Variants in RSAD2 observed in about 807,000 individuals in gnomAD.
RSAD2 encodes the protein S-adenosylmethionine-dependent nucleotide dehydratase RSAD2.
In RSAD2, 38 loss-of-function variants were observed where a neutral mutation model predicts 37.7. The ratio of observed to expected loss-of-function variants is 1.01; its 90% CI spans 0.78 to 1.32. The LOEUF (loss-of-function observed/expected upper bound fraction) is 1.32. RSAD2 is among the 40% of genes most tolerant of loss of function. The probability of loss-of-function intolerance (pLI) is 0.00; values close to 1 mark genes in which losing one functional copy is unlikely to be tolerated. For missense variants in RSAD2, 428 were observed against 437.5 expected (o/e 0.98, Z 0.19); for synonymous variants, 163 against 157.4 (o/e 1.04, Z -0.27).
At position 6,893,949 on chromosome 2, in the gene RSAD2, A is replaced by G. The variant is rs182461547; in HGVS notation, c.921+246A>G. On this transcript the variant is annotated intron_variant, in intron 5 of 5. Transcript: ENST00000382040. The stretch of plus-strand genomic sequence containing the variant: ...CCAGCACTGATTTGCACTGAGCACC[A>G]TATGATATTGTCTGCCATGTAACTA... 2.0e-5 allele frequency among the ~76,000 whole-genome samples: 3 copies of G among 152,332 alleles called. No homozygotes were observed. The East Asian group carries it at 5.8e-4, about 29-fold the overall frequency.
upstream of RSAD2, among the ~76,000 whole-genome samples, chr2:6,874,418 CAA>C (rs1471195995): frequency 3.9e-5 from 6 of 152,170 alleles, no homozygotes; most frequent in Non-Finnish European, 8.8e-5. Flanking sequence ...TTGTATGCCA[CAA>C]AAATACCTAA....
intron 1 of RSAD2, chr2:6,866,412 TTGCACACACTCACCTG>T: frequency 1.0e-6 from 1 of 983,190 alleles, no homozygotes; most frequent in Non-Finnish European, 1.2e-6. Flanking sequence ...ACACTCACCT[TTGCACACACTCACCTG>T]TGCACAAGCT....
chr2:6,889,090 TC>T (rs1419500475), intron 3 of RSAD2, among the ~76,000 whole-genome samples: 1 of 152,202 alleles, frequency 6.6e-6, no homozygotes, highest in Non-Finnish European at 1.5e-5. Flanking sequence ...CAGAAGCCCT[TC>T]CAGTCTAGCT....
chr2:6,880,869 G>A (rs954313391), intron 1 of RSAD2, among the ~76,000 whole-genome samples: 1 of 151,510 alleles, frequency 6.6e-6, no homozygotes, highest in African/African-American at 2.4e-5. Context: ...TCTGGCTAAA[G>A]ATGCTCCTAA....
intron 1 of RSAD2, among the ~76,000 whole-genome samples, chr2:6,870,272 C>A (rs1238936834): frequency 6.6e-6 from 1 of 152,124 alleles, no homozygotes; most frequent in Non-Finnish European, 1.5e-5. Context: ...GATTTTTCTC[C>A]CAGCACAGTC....
chr2:6,882,312 G>A (rs1663421600), intron 1 of RSAD2, among the ~76,000 whole-genome samples: 1 of 152,134 alleles, frequency 6.6e-6, no homozygotes, highest in African/African-American at 2.4e-5. Flanking sequence ...AGAGAGATAA[G>A]AGAAAGAATT....
chr2:6,892,760 C>T (rs1386127242), intron 4 of RSAD2, among the ~76,000 whole-genome samples: 1 of 152,214 alleles, frequency 6.6e-6, no homozygotes, highest in Non-Finnish European at 1.5e-5. Context: ...ACTGGTACCC[C>T]ACTAGACATT....
chr2:6,882,816 G>A (rs914962856), intron 1 of RSAD2, among the ~76,000 whole-genome samples: 3 of 152,228 alleles, frequency 2.0e-5, no homozygotes, highest in African/African-American at 7.2e-5. Context: ...ATTTAAAACT[G>A]AGTGAAAATG....
intron 5 of RSAD2, 47 bp from the exon 6 acceptor site, chr2:6,895,731 G>A: frequency 6.5e-7 from 1 of 1,533,984 alleles, no homozygotes; most frequent in East Asian, 2.3e-5. Context: ...GAGTTTTACA[G>A]GATTCATCAC....
chr2:6,882,606 A>G (rs1016999421), intron 1 of RSAD2, among the ~76,000 whole-genome samples: 4 of 152,208 alleles, frequency 2.6e-5, no homozygotes, highest in East Asian at 1.9e-4. Context: ...ATAGTAAAAG[A>G]AGATTTTTCT....
chr2:6,876,668 A>T (rs529608760), upstream of RSAD2: 3 of 152,356 alleles, frequency 2.0e-5, no homozygotes, highest in South Asian at 6.2e-4. Flanking sequence ...TAAGTTAAAC[A>T]TGTTTAATTT....
intron 2 of RSAD2, among the ~76,000 whole-genome samples, chr2:6,884,545 C>G (rs1663477851): frequency 6.6e-6 from 1 of 152,148 alleles, no homozygotes; most frequent in Non-Finnish European, 1.5e-5. Flanking sequence ...GGTGGGTACC[C>G]AGCCAATGCC....
rs369233605 is a variant in RSAD2, at chr2:6,869,695, ATACT to A, written c.142+3653_142+3656del. Among the ~76,000 whole-genome samples, 607 of 152,378 alleles carry A rather than the reference ATACT, an allele frequency of 4.0e-3. 2 individuals carry two copies. Among genetic ancestry groups the A allele is most frequent in the African/African-American group, 0.014 (568 of 41,584 alleles). ...ATTCAAATGGCTAACAGAGGAAAAG[ATACT>A]TAATATCATTGGTCATAAGGGAACT... On this transcript the variant is annotated intron_variant, in intron 1 of 5. Coordinates refer to the RSAD2 transcript ENST00000442639.
chr2:6,884,776 A>T (rs1045175080), intron 2 of RSAD2, among the ~76,000 whole-genome samples: 3 of 152,262 alleles, frequency 2.0e-5, no homozygotes, highest in Admixed American at 6.5e-5. Context: ...ATAGTGCATG[A>T]GTGGAGCGCC....
chr2:6,886,459 G>C (rs1391715576), intron 2 of RSAD2, among the ~76,000 whole-genome samples: 1 of 152,188 alleles, frequency 6.6e-6, no homozygotes, highest in Non-Finnish European at 1.5e-5. Context: ...TAGATGATGA[G>C]ACAACTGTCA....
chr2:6,874,800 G>C (rs1369561160), upstream of RSAD2, among the ~76,000 whole-genome samples: 1 of 152,056 alleles, frequency 6.6e-6, no homozygotes, highest in Non-Finnish European at 1.5e-5. Flanking sequence ...CTCCCTACTT[G>C]AGTCCTCCAA....
chr2:6,878,155 A>C lies in RSAD2; in HGVS notation c.346+9A>C. 6 of 1,607,536 alleles carry C rather than the reference A, an allele frequency of 3.7e-6. No individual in the cohort carries two copies. The highest frequency in any genetic ancestry group is 5.1e-6 in the Non-Finnish European group (6 of 1,176,506). ...TTTGCTTAAGGAAGCTGGTGAGTACATGGTCCTAGACAGAAATCAGGATTC... is the reference window on the plus strand; with the variant it reads ...TTTGCTTAAGGAAGCTGGTGAGTACCTGGTCCTAGACAGAAATCAGGATTC... On this transcript the variant is annotated intron_variant, in intron 1 of 5. Transcript: ENST00000382040.
chr2:6,889,947 A>G lies in RSAD2; in HGVS notation c.739-229A>G, dbSNP rs572001181. On this transcript the variant is annotated intron_variant, in intron 3 of 5. Coordinates refer to ENST00000382040, the MANE Select transcript of RSAD2 (RefSeq NM_080657.5). ...TTTATGACTCAATCAAACATAATCT[A>G]GACAAGTTTTTGAAAGTTTATATTT... 2.2e-4 allele frequency among the ~76,000 whole-genome samples: 33 copies of G among 152,358 alleles called. 1 individual carries two copies. Among genetic ancestry groups the G allele is most frequent in the Admixed American group, 2.0e-3 (30 of 15,308 alleles).
At chr2:6,871,583 T>C (rs1363920072) in intron 1 of RSAD2, among the ~76,000 whole-genome samples, 1 of 152,244 alleles carries the variant, frequency 6.6e-6, no homozygotes, top group African/African-American at 2.4e-5. Flanking sequence ...TCAACTTACT[T>C]TATTTACAGA....
Sources: gnomAD v4.1 joint callset for allele counts (sites outside exome capture counted in the v4.1 genomes callset) on GRCh38, gnomAD v4.1.1 for gene constraint, MANE v1.5 for transcripts, NCBI Gene and HGNC (gene_info 2026-07-23, HGNC 2026-07-21) for gene names.